APBB1IP: variants seen among roughly 807,000 people sequenced by gnomAD.
APBB1IP encodes the protein amyloid beta precursor protein binding family B member 1 interacting protein.
Under a neutral mutation model 64.9 loss-of-function variants are expected in APBB1IP, and 27 were observed. That is an observed-to-expected ratio of 0.42 (90% CI 0.31 to 0.57). The LOEUF (loss-of-function observed/expected upper bound fraction) is 0.57. Among genes scored for constraint, APBB1IP ranks in the 20% least tolerant of loss-of-function variants. APBB1IP has a pLI of 0.20. For missense variants in APBB1IP, 812 were observed against 845.5 expected, an observed-to-expected ratio of 0.96 and a Z score of 0.49; for synonymous variants, 392 against 331.0, an observed-to-expected ratio of 1.18 and a Z score of -2.00.
intron 6 of APBB1IP, among the ~76,000 whole-genome samples, chr10:26,508,415 C>A (rs573493866): frequency 6.0e-4 from 90 of 151,034 alleles, no homozygotes; most frequent in African/African-American, 1.5e-3. Flanking sequence ...CAAAAAAAAC[C>A]CCCCACAAAA....
At chr10:26,509,197 C>T (rs1836221677) in intron 6 of APBB1IP, among the ~76,000 whole-genome samples, 1 of 152,088 alleles carries the variant, frequency 6.6e-6, no homozygotes, top group African/African-American at 2.4e-5. Flanking sequence ...TGACACCTAC[C>T]ATTTATAGTT....
At chr10:26,493,152 G>A (rs925062576) in intron 3 of APBB1IP, among the ~76,000 whole-genome samples, 31 of 152,040 alleles carry the variant, frequency 2.0e-4, no homozygotes, top group African/African-American at 6.3e-4. Flanking sequence ...TGTCCTGCCC[G>A]GCTCCCAGGC....
intron 2 of APBB1IP, among the ~76,000 whole-genome samples, chr10:26,457,270 CT>C (rs1835538015): frequency 6.6e-6 from 1 of 152,168 alleles, no homozygotes; most frequent in African/African-American, 2.4e-5. Flanking sequence ...ATGTACGCTT[CT>C]TTTTCAGTTC....
intron 8 of APBB1IP, 44 bp downstream of exon 8, chr10:26,513,704 A>AT (rs35115529): frequency 0.15 from 197,936 of 1,347,240 alleles, 3,134 homozygotes; most frequent in East Asian, 0.3. Flanking sequence ...AGTACAAAGG[A>AT]TTTTTTTTTT....
intron 10 of APBB1IP, among the ~76,000 whole-genome samples, chr10:26,538,557 C>T (rs897623761): frequency 6.6e-6 from 1 of 151,246 alleles, no homozygotes; most frequent in East Asian, 1.9e-4. Context: ...AGAAGAATTG[C>T]TTGAACCCAG....
intron 8 of APBB1IP, among the ~76,000 whole-genome samples, chr10:26,525,070 C>A (rs1223423396): frequency 1.3e-5 from 2 of 149,082 alleles, no homozygotes; most frequent in African/African-American, 2.5e-5. Context: ...ATCACTTGAG[C>A]CCAGGAGTTT....
At position 26,567,065 on chromosome 10, in the gene APBB1IP, C is replaced by A. The variant is rs368104971; in HGVS notation, c.1578C>A (p.Ser526=). 2 of 1,497,352 alleles carry A rather than the reference C, an allele frequency of 1.3e-6. No individual in the cohort carries two copies. The highest frequency in any genetic ancestry group is 1.8e-6 in the Non-Finnish European group (2 of 1,137,348). The allele number at this position is 1,497,352 out of a possible 1,614,324, so 92.8% of individuals were successfully genotyped here. A position where few individuals can be genotyped will look rare whatever the true frequency, so the allele number is the denominator to read the frequency against. ...CGCCCCCTCCGGTGCGGAGGTCCTC[C>A]GACACCAGCGGCAGTCCCGCCACGC... is the stretch of plus-strand genomic sequence containing the variant. ...LPPPPPVRRS[S]DTSGSPATPL... is the part of the protein sequence containing the mutation. The change falls in exon 15 of 15, where the codon TCC becomes TCA. Residue 526 remains serine (S), a synonymous_variant. Coordinates refer to ENST00000376236, the MANE Select transcript of APBB1IP (RefSeq NM_019043.4).
At chr10:26,537,665 G>T (rs1009909172) in intron 10 of APBB1IP, among the ~76,000 whole-genome samples, 1 of 152,186 alleles carries the variant, frequency 6.6e-6, no homozygotes, top group African/African-American at 2.4e-5. Context: ...GGGTGTGGTG[G>T]TTCATGCCTG....
chr10:26,481,177 G>A (rs1202648671), intron 2 of APBB1IP, among the ~76,000 whole-genome samples: 1 of 152,144 alleles, frequency 6.6e-6, no homozygotes, highest in Non-Finnish European at 1.5e-5. Flanking sequence ...CTGGAGGCCA[G>A]ACAGACAGAT....
At chr10:26,508,273 C>A (rs752979656) in intron 6 of APBB1IP, among the ~76,000 whole-genome samples, 43 of 151,964 alleles carry the variant, frequency 2.8e-4, no homozygotes, top group Admixed American at 1.6e-3. Flanking sequence ...ATGTATACAG[C>A]TTGTGCTACA....
At chr10:26,465,247 G>A (rs551460746) in intron 2 of APBB1IP, among the ~76,000 whole-genome samples, 34 of 152,284 alleles carry the variant, frequency 2.2e-4, no homozygotes, top group African/African-American at 4.6e-4. Context: ...TTCATGTAGA[G>A]CATAAAATGT....
chr10:26,488,781 T>C (rs576913760), intron 2 of APBB1IP, among the ~76,000 whole-genome samples: 1 of 152,236 alleles, frequency 6.6e-6, no homozygotes, highest in Admixed American at 6.5e-5. Context: ...TCTCTGACTT[T>C]CCCTGCACAC....
In APBB1IP at chr10:26,503,213, A is replaced by G. The variant is rs757019430; in HGVS notation, c.470A>G (p.Gln157Arg). 6.2e-7 allele frequency: 1 copy of G among 1,614,156 alleles called. No individual in the cohort carries two copies. The highest frequency in any genetic ancestry group is 2.2e-5 in the East Asian group (1 of 44,884). ...EPLSQEEEEA[Q>R]AKADKIKLAL... is the part of the protein sequence containing the mutation. Reference sequence around the variant, plus strand: ...CTTTTCCAGGAAGAGGAAGAAGCCCAAGCCAAGGCTGATAAAATTAAGCTG... The same window carrying G: ...CTTTTCCAGGAAGAGGAAGAAGCCCGAGCCAAGGCTGATAAAATTAAGCTG... The change falls in exon 6 of 15, where the codon CAA becomes CGA. Residue 157 changes from glutamine (Q) to arginine (R), a missense_variant. Physicochemically the swap from Gln to Arg is conservative, Grantham distance 43. This residue lies in a region of APBB1IP where 394 missense variants were observed against 413.1 expected (regional missense o/e 0.95). Transcript: ENST00000376236.
In APBB1IP at chr10:26,501,072, C is replaced by T; in HGVS notation, c.414C>T (p.Asp138=). The change falls in exon 5 of 15, where the codon GAC becomes GAT. Residue 138 remains aspartate, a synonymous_variant. Coordinates refer to ENST00000376236, the MANE Select transcript of APBB1IP (RefSeq NM_019043.4). ...LPPPPADPVL[D]LPLPPPPPEP... ...CTCCACCAGCCGATCCTGTGTTAGA[C>T]CTTCCACTGCCACCACCACCTCCTG... 1 of 1,614,220 alleles carries T rather than the reference C, an allele frequency of 6.2e-7. No individual in the cohort carries two copies. The highest frequency in any genetic ancestry group is 8.5e-7 in the Non-Finnish European group (1 of 1,180,040).
chr10:26,550,076 C>T (rs959120813), intron 11 of APBB1IP, among the ~76,000 whole-genome samples: 2 of 151,026 alleles, frequency 1.3e-5, no homozygotes, highest in South Asian at 2.1e-4. Flanking sequence ...AATATATTGT[C>T]CCACTCTTTC....
rs1039863416 is a variant in APBB1IP, at chr10:26,541,668, C to A, written c.1131C>A (p.Pro377=). The change falls in exon 11 of 15, where the codon CCC becomes CCA. Residue 377 remains proline (P), a synonymous_variant. Coordinates refer to ENST00000376236, the MANE Select transcript of APBB1IP (RefSeq NM_019043.4). ...AGCATAAAATGAAATATAAAGCGCC[C>A]ACTGACTATTGCTTTGTTTTAAAGG... is the stretch of plus-strand genomic sequence containing the variant. ...GTQHKMKYKA[P]TDYCFVLKHP... The A allele has an allele frequency of 6.2e-7, 1 of 1,608,768 alleles. No homozygotes were observed.
intron 2 of APBB1IP, among the ~76,000 whole-genome samples, chr10:26,456,106 G>A (rs1835521854): frequency 1.3e-5 from 2 of 152,142 alleles, no homozygotes. Flanking sequence ...GAGGAGGAGT[G>A]AACGGATACA....
At chr10:26,446,035 C>G (rs1835394502) in intron 2 of APBB1IP, among the ~76,000 whole-genome samples, 1 of 152,140 alleles carries the variant, frequency 6.6e-6, no homozygotes, top group South Asian at 2.1e-4. Flanking sequence ...TTCAGTCTTT[C>G]AAGTGTGTTT....
intron 13 of APBB1IP, among the ~76,000 whole-genome samples, chr10:26,561,130 G>A (rs7899859): frequency 0.23 from 30,890 of 132,388 alleles, 3,937 homozygotes; most frequent in Middle Eastern, 0.32. Context: ...GTGCAGTGGC[G>A]GGATCTCAGC....
Sources: allele counts gnomAD v4.1 joint callset (sites outside exome capture counted in the v4.1 genomes callset), GRCh38; gene constraint gnomAD v4.1.1; regional missense constraint gnomAD v4.1.1; transcripts MANE v1.5; gene names NCBI Gene and HGNC (gene_info 2026-07-23, HGNC 2026-07-21).